The following CDS1 variants were observed in gnomAD, a reference collection of about 807,000 sequenced individuals.
The protein encoded by CDS1 is phosphatidate cytidylyltransferase 1.
A neutral mutation model predicts 62.1 loss-of-function variants in CDS1; 41 were observed. The observed-to-expected ratio is 0.66, with a 90% CI of 0.51 to 0.86. The LOEUF (loss-of-function observed/expected upper bound fraction) is 0.86, where lower values mean the gene tolerates loss of function less well. Ranked by LOEUF, CDS1 falls within the 40% of genes least tolerant of loss-of-function variation. The pLI, the probability that CDS1 is intolerant of heterozygous loss-of-function variation, is 0.00. For synonymous variants in CDS1, 185 were observed against 192.6 expected (o/e 0.96, Z 0.32); for missense variants, 470 against 550.1 (o/e 0.85, Z 1.46).
chr4:84,633,629 T>C (rs181032109), intron 6 of CDS1, among the ~76,000 whole-genome samples: 16 of 152,306 alleles, frequency 1.1e-4, no homozygotes, highest in African/African-American at 3.9e-4. Flanking sequence ...TAGAATTCTA[T>C]TTATATATAA....
intron 1 of CDS1, among the ~76,000 whole-genome samples, chr4:84,588,506 G>A (rs1207342724): frequency 6.6e-6 from 1 of 152,102 alleles, no homozygotes; most frequent in Non-Finnish European, 1.5e-5. Context: ...AGGCGGCCAG[G>A]GTTTTATTAT....
rs1339487020 is a variant in CDS1, at chr4:84,593,345, G to C, written c.117+9827G>C. Among the ~76,000 whole-genome samples, 14 of 152,114 alleles carry C rather than the reference G, an allele frequency of 9.2e-5. 1 individual carries two copies. Among genetic ancestry groups the C allele is most frequent in the Admixed American group, 9.2e-4 (14 of 15,278 alleles). Reference sequence around the variant, plus strand: ...CTCAGAGGTATTCCTTCTTTGTCTTGATAGGTTTACAACATATGTTTGCAT... The same window carrying C: ...CTCAGAGGTATTCCTTCTTTGTCTTCATAGGTTTACAACATATGTTTGCAT... On this transcript the variant is annotated intron_variant, in intron 1 of 12. Transcript: ENST00000295887.
intron 1 of CDS1, among the ~76,000 whole-genome samples, chr4:84,600,559 A>G (rs555233756): frequency 1.5e-3 from 234 of 152,306 alleles, no homozygotes; most frequent in African/African-American, 5.4e-3. Context: ...AGTACCATGT[A>G]TAGAATTACC....
Position 84,609,414 on chromosome 4 carries a change from A to T in CDS1, c.246-15A>T. On this transcript the variant is annotated splice_polypyrimidine_tract_variant and intron_variant, in intron 2 of 12. Transcript: ENST00000295887. ...TAAGAACACGTTAAATACTAACTTT[A>T]CATTTTCTTTGTAGGTGGAAAAACT... is the stretch of plus-strand genomic sequence containing the variant. 4 of 1,519,078 alleles carry T rather than the reference A, an allele frequency of 2.6e-6. No individual in the cohort carries two copies. Among genetic ancestry groups the T allele is most frequent in the Non-Finnish European group, 3.7e-6 (4 of 1,095,394 alleles). The allele number at this position is 1,519,078 out of a possible 1,614,324, so 94.1% of individuals were successfully genotyped here. A position where few individuals can be genotyped will look rare whatever the true frequency, so the allele number is the denominator to read the frequency against.
chr4:84,597,301 A>G (rs1314615136), intron 1 of CDS1, among the ~76,000 whole-genome samples: 1 of 152,210 alleles, frequency 6.6e-6, no homozygotes, highest in Non-Finnish European at 1.5e-5. Flanking sequence ...AGTGTAGGAT[A>G]GGACCACAGA....
At chr4:84,635,030 T>TCCTTAGCAATATTTC in intron 7 of CDS1, among the ~76,000 whole-genome samples, 1 of 152,278 alleles carries the variant, frequency 6.6e-6, no homozygotes, top group Admixed American at 6.5e-5. Flanking sequence ...TTTAATATTT[T>TCCTTAGCAATATTTC]CCTAGCATGC....
intron 2 of CDS1, among the ~76,000 whole-genome samples, chr4:84,608,645 C>T (rs369501106): frequency 1.4e-4 from 21 of 152,062 alleles, no homozygotes; most frequent in African/African-American, 2.7e-4. Context: ...AGTTTTAGTT[C>T]GGTATTATCT....
chr4:84,587,503 A>G (rs1722455420), intron 1 of CDS1, among the ~76,000 whole-genome samples: 1 of 152,148 alleles, frequency 6.6e-6, no homozygotes, highest in African/African-American at 2.4e-5. Context: ...GATGTAGGGA[A>G]TTAGAGAGTC....
At chr4:84,638,273 A>G (rs1188946039) in intron 8 of CDS1, among the ~76,000 whole-genome samples, 3 of 152,096 alleles carry the variant, frequency 2.0e-5, no homozygotes, top group African/African-American at 7.2e-5. Flanking sequence ...TCCAACACAA[A>G]CAATATCTCT....
intron 3 of CDS1, among the ~76,000 whole-genome samples, chr4:84,613,609 CA>C (rs955881350): frequency 3.9e-5 from 6 of 152,054 alleles, no homozygotes; most frequent in African/African-American, 1.2e-4. Context: ...GACTTTGTCT[CA>C]AAAAACAAAC....
In CDS1 at chr4:84,633,949, C is replaced by T; in HGVS notation, c.722+10C>T. The T allele has an allele frequency of 1.3e-6, 2 of 1,517,672 alleles. No individual in the cohort carries two copies. The highest frequency in any genetic ancestry group is 1.1e-5 in the South Asian group (1 of 87,018). 94.0% of individuals were successfully genotyped at this position (1,517,672 alleles called of 1,614,324 possible). On this transcript the variant is annotated intron_variant, in intron 7 of 12. Coordinates refer to ENST00000295887, the MANE Select transcript of CDS1 (RefSeq NM_001263.4). ...TTGAAGGCATGATATGGTAAGGCAA[C>T]AGAATTATGCTGCTTTATAAGTATG...
Position 84,599,450 on chromosome 4 carries a change from A to G in CDS1, c.118-4793A>G, listed in dbSNP as rs557496339. Among the ~76,000 whole-genome samples the G allele has an allele frequency of 8.6e-5, 12 of 138,746 alleles. 1 individual carries two copies. Among genetic ancestry groups the G allele is most frequent in the African/African-American group, 3.3e-4 (12 of 35,938 alleles). The allele number at this position is 138,746 out of a possible 152,430, so 91.0% of individuals were successfully genotyped here. A position where few individuals can be genotyped will look rare whatever the true frequency, so the allele number is the denominator to read the frequency against. ...TATATATATATATATATATATATAT[A>G]TGCCTATGAAGCCATCATTATAATC... On this transcript the variant is annotated intron_variant, in intron 1 of 12. Transcript: ENST00000295887.
At chr4:84,592,841 G>A (rs561439410) in intron 1 of CDS1, among the ~76,000 whole-genome samples, 2 of 152,308 alleles carry the variant, frequency 1.3e-5, no homozygotes, top group South Asian at 2.1e-4. Flanking sequence ...CAAGGCTGAT[G>A]TAGCCAATCT....
intron 1 of CDS1, among the ~76,000 whole-genome samples, chr4:84,599,038 T>C (rs1294305999): frequency 1.3e-5 from 2 of 152,188 alleles, no homozygotes; most frequent in Non-Finnish European, 2.9e-5. Flanking sequence ...CTATCTTAGC[T>C]CAAGATGTTA....
At chr4:84,626,775 C>T (rs190627313) in intron 5 of CDS1, among the ~76,000 whole-genome samples, 218 of 152,236 alleles carry the variant, frequency 1.4e-3, no homozygotes, top group African/African-American at 4.9e-3. Flanking sequence ...ATTCCCAGAG[C>T]GCAGTGCAGG....
intron 2 of CDS1, among the ~76,000 whole-genome samples, chr4:84,604,772 TTTTTC>T (rs1182729855): frequency 6.6e-6 from 1 of 152,116 alleles, no homozygotes; most frequent in Non-Finnish European, 1.5e-5. Context: ...ATTTTTTTCT[TTTTTC>T]TTTTCTTTCT....
chr4:84,616,066 A>C (rs1374909962), intron 3 of CDS1, among the ~76,000 whole-genome samples: 1 of 152,248 alleles, frequency 6.6e-6, no homozygotes, highest in Non-Finnish European at 1.5e-5. Context: ...GATGTACCCT[A>C]GCAAATATGT....
intron 8 of CDS1, among the ~76,000 whole-genome samples, chr4:84,635,628 TTCCTTCCTTCCTTCC>T (rs1724171869): frequency 1.6e-5 from 1 of 61,140 alleles, no homozygotes; most frequent in Non-Finnish European, 3.4e-5. Flanking sequence ...CCTGCCTGCC[TTCCTTCCTTCCTTCC>T]TTCCTTCCTT....
Position 84,639,008 on chromosome 4 carries a change from A to G in CDS1, c.879+16A>G. 7.3e-7 allele frequency: 1 copy of G among 1,364,320 alleles called. No homozygotes were observed. 84.5% of individuals were successfully genotyped at this position (1,364,320 alleles called of 1,614,324 possible). On this transcript the variant is annotated intron_variant, in intron 9 of 12. Transcript: ENST00000295887. ...TGGATTCATTGTGAGTATTACTAAGATTTTTATTTTGTATACATTTCGAAA... is the reference window on the plus strand; with the variant it reads ...TGGATTCATTGTGAGTATTACTAAGGTTTTTATTTTGTATACATTTCGAAA...
Sources: gnomAD v4.1 joint callset for allele counts (sites outside exome capture counted in the v4.1 genomes callset) on GRCh38, gnomAD v4.1.1 for gene constraint, MANE v1.5 for transcripts, NCBI Gene and HGNC (gene_info 2026-07-23, HGNC 2026-07-21) for gene names.